GPATCH8: variants seen among roughly 807,000 people sequenced by gnomAD.
GPATCH8 encodes the protein G patch domain-containing protein 8.
GPATCH8 carries 18 observed loss-of-function variants against 118.3 expected under a neutral mutation model. That is an observed-to-expected ratio of 0.15 (90% CI 0.11 to 0.23). GPATCH8 has a LOEUF of 0.23. Ranked by LOEUF, GPATCH8 falls within the 10% of genes least tolerant of loss-of-function variation. The pLI is 1.00. For synonymous variants in GPATCH8, 659 were observed against 684.7 expected (o/e 0.96, Z 0.59); for missense variants, 1,631 against 1,873.8 (o/e 0.87, Z 2.39).
rs958803884 is a variant in GPATCH8, at chr17:44,395,576, C to T, written c.*1992G>A. 8 of 454,244 alleles carry T rather than the reference C, an allele frequency of 1.8e-5. No individual in the cohort carries two copies. The highest frequency in any genetic ancestry group is 2.2e-5 in the Non-Finnish European group (5 of 226,798). The allele number at this position is 454,244 out of a possible 1,614,324, so 28.1% of individuals were successfully genotyped here. ...AAAGAAAAATGAGTCCCTTCACTTACACAGATGATTTCATTTTTCCAGTGC... is the reference window on the plus strand; with the variant it reads ...AAAGAAAAATGAGTCCCTTCACTTATACAGATGATTTCATTTTTCCAGTGC... On this transcript the variant is annotated 3_prime_UTR_variant, in exon 8 of 8. Transcript: ENST00000591680.
chr17:44,436,455 ATG>A (rs756281684), intron 4 of GPATCH8, 21 bp downstream of exon 4: 5 of 1,002,192 alleles, frequency 5.0e-6, no homozygotes, highest in Non-Finnish European at 8.1e-6. Flanking sequence ...CACAAAACTT[ATG>A]AGTTAATGAG....
chr17:44,490,561 C>T lies in GPATCH8; in HGVS notation c.45+12765G>A, dbSNP rs1171209006. 5.3e-5 allele frequency among the ~76,000 whole-genome samples: 8 copies of T among 151,456 alleles called. No homozygotes were observed. In the East Asian group the frequency reaches 1.5e-3, roughly 29 times the overall value. ...TAAATCAACACTTCCTTTCTGAATA[C>T]TATATGCTTTCAAAGTTGAAATATA... On this transcript the variant is annotated intron_variant, in intron 1 of 7. Transcript: ENST00000591680.
chr17:44,417,784 T>C (rs1309698184), intron 6 of GPATCH8, among the ~76,000 whole-genome samples: 1 of 152,166 alleles, frequency 6.6e-6, no homozygotes, highest in African/African-American at 2.4e-5. Flanking sequence ...AGAGAAAAGA[T>C]GAAGTGGAGA....
intron 3 of GPATCH8, among the ~76,000 whole-genome samples, chr17:44,450,251 T>C (rs1412686295): frequency 6.6e-6 from 1 of 152,216 alleles, no homozygotes; most frequent in African/African-American, 2.4e-5. Flanking sequence ...ATTTATCAAT[T>C]AGAACATTTC....
At chr17:44,470,787 C>T (rs960073710) in intron 2 of GPATCH8, among the ~76,000 whole-genome samples, 3 of 152,106 alleles carry the variant, frequency 2.0e-5, no homozygotes, top group African/African-American at 4.8e-5. Flanking sequence ...GGATTACAGG[C>T]GTGAGCCCCT....
intron 1 of GPATCH8, among the ~76,000 whole-genome samples, chr17:44,498,728 A>C (rs1969844532): frequency 6.6e-6 from 1 of 152,252 alleles, no homozygotes; most frequent in East Asian, 1.9e-4. Flanking sequence ...AACTGACATT[A>C]ATTTTCACAG....
chr17:44,449,411 C>G (rs2051029587), intron 3 of GPATCH8, among the ~76,000 whole-genome samples: 1 of 152,074 alleles, frequency 6.6e-6, no homozygotes, highest in South Asian at 2.1e-4. Flanking sequence ...GCTATGTGGC[C>G]CAGGCTGGTC....
In GPATCH8 at chr17:44,396,443, A is replaced by T. The variant is rs1273262169; in HGVS notation, c.*1125T>A. The stretch of plus-strand genomic sequence containing the variant: ...CAATACTGGGGGCACTACATACTGC[A>T]AATTACTTAACATTTTGTCCCAGCA... On this transcript the variant is annotated 3_prime_UTR_variant, in exon 8 of 8. Coordinates refer to ENST00000591680, the MANE Select transcript of GPATCH8 (RefSeq NM_001002909.4). 1 of 454,398 alleles carries T rather than the reference A, an allele frequency of 2.2e-6. No individual in the cohort carries two copies. The highest frequency in any genetic ancestry group is 4.4e-6 in the Non-Finnish European group (1 of 226,800). 28.1% of individuals were successfully genotyped at this position (454,398 alleles called of 1,614,324 possible). A position where few individuals can be genotyped will look rare whatever the true frequency, so the allele number is the denominator to read the frequency against.
At chr17:44,429,687 A>ACACAC (rs58829323) in intron 5 of GPATCH8, among the ~76,000 whole-genome samples, 2 of 73,668 alleles carry the variant, frequency 2.7e-5, no homozygotes, top group African/African-American at 3.7e-5. Flanking sequence ...CACACACACA[A>ACACAC]AACAACAAAC....
At chr17:44,427,948 C>T (rs1230719906) in intron 5 of GPATCH8, among the ~76,000 whole-genome samples, 1 of 152,100 alleles carries the variant, frequency 6.6e-6, no homozygotes, top group Admixed American at 6.6e-5. Flanking sequence ...TCCATCCATC[C>T]ATCCATTTAT....
At chr17:44,460,950 G>A (rs915472617) in intron 3 of GPATCH8, among the ~76,000 whole-genome samples, 13 of 152,180 alleles carry the variant, frequency 8.5e-5, no homozygotes, top group Admixed American at 7.2e-4. Context: ...CATGTACACT[G>A]CTGAATCCGA....
intron 1 of GPATCH8, among the ~76,000 whole-genome samples, chr17:44,475,396 A>G (rs1348301964): frequency 1.3e-5 from 2 of 148,608 alleles, no homozygotes; most frequent in Non-Finnish European, 3.0e-5. Context: ...GAAAAAAAAA[A>G]AAAGAAAAAA....
intron 2 of GPATCH8, among the ~76,000 whole-genome samples, chr17:44,472,184 T>A (rs1328824478): frequency 6.6e-6 from 1 of 152,156 alleles, no homozygotes; most frequent in Non-Finnish European, 1.5e-5. Flanking sequence ...TTCATTTATT[T>A]AAAAAAATTA....
intron 4 of GPATCH8, among the ~76,000 whole-genome samples, 189 bp from the exon 5 acceptor site, chr17:44,435,340 T>C (rs2050461876): frequency 6.6e-6 from 1 of 151,934 alleles, no homozygotes; most frequent in Non-Finnish European, 1.5e-5. Flanking sequence ...ACTTTCAGGC[T>C]GGTAGTTTCC....
intron 2 of GPATCH8, among the ~76,000 whole-genome samples, chr17:44,470,490 A>G (rs934032845): frequency 2.9e-5 from 4 of 137,818 alleles, no homozygotes; most frequent in African/African-American, 1.1e-4. Flanking sequence ...CACTGCACCC[A>G]GCGCTTTTTT....
rs1256609429 is a variant in GPATCH8 at position 44,399,815 on chromosome 17, G to A, written c.2262C>T (p.Ser754=). The change falls in exon 8 of 8, where the codon TCC becomes TCT. Residue 754 remains serine (S), a synonymous_variant. Coordinates refer to ENST00000591680, the MANE Select transcript of GPATCH8 (RefSeq NM_001002909.4). The part of the protein sequence containing the change: ...PRRRRRAQDD[S]QRRSLPAEEG... The stretch of plus-strand genomic sequence containing the variant: ...CTTCAGCTGGGAGGGATCTCCGCTG[G>A]GAGTCATCTTGAGCTCTCCGCCTTC... 1.9e-6 allele frequency: 3 copies of A among 1,613,244 alleles called. No individual in the cohort carries two copies. Among genetic ancestry groups the A allele is most frequent in the Middle Eastern group, 1.6e-4 (1 of 6,062 alleles).
rs1567927469 is a variant in GPATCH8, at chr17:44,399,262, A to C, written c.2815T>G (p.Cys939Gly). The change falls in exon 8 of 8, where the codon TGC becomes GGC. Residue 939 changes from cysteine to glycine, a missense_variant. This residue lies in a region of GPATCH8 where 922 missense variants were observed against 879.7 expected (regional missense o/e 1.05). Coordinates refer to ENST00000591680, the MANE Select transcript of GPATCH8 (RefSeq NM_001002909.4). ...SSSDDDYSLS[C>G]SQSRSRSRSH... is the part of the protein sequence containing the mutation. ...CGAGATCGGCTTCGGGACTGGCTGC[A>C]ACTGAGGCTATAGTCATCATCAGAA... The C allele has an allele frequency of 6.2e-7, 1 of 1,613,896 alleles. No homozygotes were observed. Among genetic ancestry groups the C allele is most frequent in the African/African-American group, 1.3e-5 (1 of 74,868 alleles).
chr17:44,467,134 A>C (rs970930056), intron 2 of GPATCH8: 8 of 1,220,900 alleles, frequency 6.6e-6, no homozygotes, highest in Non-Finnish European at 8.6e-6. Flanking sequence ...GAACAGTTAA[A>C]TGTAACACAA....
intron 5 of GPATCH8, among the ~76,000 whole-genome samples, chr17:44,429,250 A>G (rs2050204190): frequency 6.6e-6 from 1 of 152,214 alleles, no homozygotes. Context: ...ACAGTATAAT[A>G]CAGCTAAGAA....
Sources: gnomAD v4.1 joint callset for allele counts (sites outside exome capture counted in the v4.1 genomes callset) on GRCh38, gnomAD v4.1.1 for gene constraint, gnomAD v4.1.1 regional missense constraint, MANE v1.5 for transcripts, NCBI Gene and HGNC (gene_info 2026-07-23, HGNC 2026-07-21) for gene names.